The following RAB27B variants were observed in gnomAD, a reference collection of about 807,000 sequenced individuals.
RAB27B encodes the protein ras-related protein Rab-27B.
RAB27B carries 15 observed loss-of-function variants against 24.6 expected under a neutral mutation model. The observed-to-expected ratio is 0.61, with a 90% CI of 0.41 to 0.94. The LOEUF is 0.94. Among genes scored for constraint, RAB27B ranks in the 40% least tolerant of loss-of-function variants. The pLI, the probability that RAB27B is intolerant of heterozygous loss-of-function variation, is 0.00. For synonymous variants in RAB27B, 105 were observed against 92.5 expected, an observed-to-expected ratio of 1.14 and a Z score of -0.78; for missense variants, 261 against 266.8, an observed-to-expected ratio of 0.98 and a Z score of 0.15.
Position 54,877,580 on chromosome 18 carries a change from A to G in RAB27B, c.-6A>G. 6.5e-7 allele frequency: 1 copy of G among 1,535,582 alleles called. No homozygotes were observed. Among genetic ancestry groups the G allele is most frequent in the Non-Finnish European group, 8.7e-7 (1 of 1,152,318 alleles). On this transcript the variant is annotated 5_prime_UTR_variant, in exon 2 of 6. Transcript: ENST00000262094. ...TCTCCTATACAGACCGACCAAGACC[A>G]TCACTATGACCGATGGAGACTATGA... is the stretch of plus-strand genomic sequence containing the variant.
At chr18:54,759,989 C>A (rs1047998800) in intron 2 of RAB27B, among the ~76,000 whole-genome samples, 1 of 152,188 alleles carries the variant, frequency 6.6e-6, no homozygotes, top group Non-Finnish European at 1.5e-5. Flanking sequence ...GGACACCAAA[C>A]AAGAGCTCGG....
chr18:54,826,168 C>G (rs1910464517), upstream of RAB27B, among the ~76,000 whole-genome samples: 1 of 152,202 alleles, frequency 6.6e-6, no homozygotes, highest in Non-Finnish European at 1.5e-5. Flanking sequence ...CCATTTGTAA[C>G]TACACATCAC....
At chr18:54,846,408 A>G (rs1392144746) in intron 1 of RAB27B, among the ~76,000 whole-genome samples, 1 of 152,260 alleles carries the variant, frequency 6.6e-6, no homozygotes, top group Non-Finnish European at 1.5e-5. Context: ...TAGCAACTTT[A>G]TAGAATGTAT....
intron 1 of RAB27B, among the ~76,000 whole-genome samples, chr18:54,834,521 A>T (rs188810555): frequency 3.9e-5 from 6 of 152,240 alleles, no homozygotes; most frequent in Admixed American, 6.5e-5. Flanking sequence ...TTCTTGTTTG[A>T]TGTTTACTTC....
At chr18:54,878,771 A>G (rs968886151) in intron 2 of RAB27B, among the ~76,000 whole-genome samples, 1 of 152,194 alleles carries the variant, frequency 6.6e-6, no homozygotes, top group African/African-American at 2.4e-5. Context: ...AAAAAAATTA[A>G]ACTTACCTAA....
At chr18:54,797,076 G>A (rs182674636) in intron 2 of RAB27B, among the ~76,000 whole-genome samples, 5 of 152,224 alleles carry the variant, frequency 3.3e-5, no homozygotes, top group East Asian at 3.9e-4. Context: ...TGTCAACATC[G>A]AGAAAATATA....
chr18:54,798,015 T>C (rs1909479172), intron 2 of RAB27B, among the ~76,000 whole-genome samples: 1 of 152,176 alleles, frequency 6.6e-6, no homozygotes, highest in African/African-American at 2.4e-5. Context: ...TGAATATTGA[T>C]ATTTTTTTTT....
At chr18:54,818,128 A>G (rs868137813) in intron 2 of RAB27B, among the ~76,000 whole-genome samples, 6 of 152,260 alleles carry the variant, frequency 3.9e-5, no homozygotes, top group African/African-American at 1.4e-4. Flanking sequence ...CTGTTCTCCA[A>G]TGCCAATTAC....
At chr18:54,812,297 A>G (rs1289969779) in intron 2 of RAB27B, among the ~76,000 whole-genome samples, 2 of 152,166 alleles carry the variant, frequency 1.3e-5, no homozygotes, top group African/African-American at 2.4e-5. Flanking sequence ...TTTGTTGTAC[A>G]TGATTATATT....
chr18:54,787,813 C>A (rs1047670946), intron 2 of RAB27B, among the ~76,000 whole-genome samples: 2 of 151,792 alleles, frequency 1.3e-5, no homozygotes, highest in South Asian at 4.1e-4. Flanking sequence ...GGCTTTGGCT[C>A]CATATGTACA....
At position 54,889,483 on chromosome 18, in the gene RAB27B, CAATTGTTGTT is replaced by C; in HGVS notation, c.*71_*80del. The C allele has an allele frequency of 7.2e-7, 1 of 1,394,860 alleles. No individual in the cohort carries two copies. The highest frequency in any genetic ancestry group is 9.6e-7 in the Non-Finnish European group (1 of 1,038,288). The allele number at this position is 1,394,860 out of a possible 1,614,324, so 86.4% of individuals were successfully genotyped here. On this transcript the variant is annotated 3_prime_UTR_variant, in exon 6 of 6. Transcript: ENST00000262094. ...CTTTTAAAAACAATGACAAACCACA[CAATTGTTGTT>C]GAGTAAACCACGCACAATGGCATGT...
intron 2 of RAB27B, among the ~76,000 whole-genome samples, chr18:54,794,580 T>C (rs905923675): frequency 2.6e-5 from 4 of 152,260 alleles, no homozygotes; most frequent in African/African-American, 9.6e-5. Flanking sequence ...CATACTGATG[T>C]GTGTATTTGA....
rs554540323 is a variant in RAB27B, at chr18:54,890,853, G to A, written c.*1440G>A. The A allele has an allele frequency of 2.8e-4, 43 of 151,720 alleles. No homozygotes were observed. The highest frequency in any genetic ancestry group is 1.6e-4 in the Non-Finnish European group (11 of 67,908). 9.4% of individuals were successfully genotyped at this position (151,720 alleles called of 1,614,324 possible). A position where few individuals can be genotyped will look rare whatever the true frequency, so the allele number is the denominator to read the frequency against. ...ATAGTAACAAAATTATTTTTCATTG[G>A]CCTATTCTGTTCTTGTGTCTAAACT... On this transcript the variant is annotated 3_prime_UTR_variant, in exon 6 of 6. Transcript: ENST00000262094.
chr18:54,869,402 A>G (rs1190696714), intron 1 of RAB27B, among the ~76,000 whole-genome samples: 1 of 152,252 alleles, frequency 6.6e-6, no homozygotes, highest in Non-Finnish European at 1.5e-5. Flanking sequence ...ATTATAAAAC[A>G]TTATTGACAA....
intron 2 of RAB27B, among the ~76,000 whole-genome samples, chr18:54,782,735 C>A (rs1436206393): frequency 2.6e-5 from 4 of 152,156 alleles, no homozygotes; most frequent in African/African-American, 9.7e-5. Context: ...GTGAAGATGA[C>A]CCTTGTACAA....
At chr18:54,848,287 AAAAT>A (rs1162692343) in intron 1 of RAB27B, among the ~76,000 whole-genome samples, 2 of 152,250 alleles carry the variant, frequency 1.3e-5, no homozygotes, top group Non-Finnish European at 2.9e-5. Flanking sequence ...TGAATTTATA[AAAAT>A]AAATGTTTAT....
At chr18:54,767,285 T>C (rs1908393533) in intron 2 of RAB27B, among the ~76,000 whole-genome samples, 1 of 152,170 alleles carries the variant, frequency 6.6e-6, no homozygotes, top group Admixed American at 6.6e-5. Context: ...TAACTCCACA[T>C]ACAACTGTTT....
intron 2 of RAB27B, among the ~76,000 whole-genome samples, chr18:54,763,224 A>G (rs929261412): frequency 1.3e-5 from 2 of 152,208 alleles, no homozygotes; most frequent in Non-Finnish European, 2.9e-5. Context: ...TATGGTTCAC[A>G]TACTGTGCTG....
At chr18:54,859,282 C>A (rs573706301) in intron 1 of RAB27B, among the ~76,000 whole-genome samples, 2 of 152,202 alleles carry the variant, frequency 1.3e-5, no homozygotes, top group East Asian at 1.9e-4. Context: ...ATTTGTGATT[C>A]TTTTTCAGGA....
Sources: allele counts gnomAD v4.1 joint callset (sites outside exome capture counted in the v4.1 genomes callset), GRCh38; gene constraint gnomAD v4.1.1; transcripts MANE v1.5; gene names NCBI Gene and HGNC (gene_info 2026-07-23, HGNC 2026-07-21).